Variants in BOLL observed in about 807,000 individuals in gnomAD.
BOLL encodes boule RNA binding protein, also known as protein boule-like.
BOLL carries 23 observed loss-of-function variants against 44.4 expected under a neutral mutation model. That is an observed-to-expected ratio of 0.52 (90% confidence interval 0.37 to 0.73). The LOEUF is 0.73. Ranked by LOEUF, BOLL falls within the 30% of genes least tolerant of loss-of-function variation. The pLI is 0.00. For missense variants in BOLL, 287 were observed against 338.3 expected, an observed-to-expected ratio of 0.85 and a Z score of 1.19; for synonymous variants, 97 against 110.8, an observed-to-expected ratio of 0.88 and a Z score of 0.78.
At chr2:197,769,939 AG>A (rs1689162625) in intron 6 of BOLL, among the ~76,000 whole-genome samples, 3 of 152,210 alleles carry the variant, frequency 2.0e-5, no homozygotes, top group Non-Finnish European at 4.4e-5. Flanking sequence ...GGTAATTTAT[AG>A]ATTCAATGCC....
At chr2:197,734,633 A>G (rs1347433787) in intron 10 of BOLL, among the ~76,000 whole-genome samples, 1 of 152,206 alleles carries the variant, frequency 6.6e-6, no homozygotes, top group Non-Finnish European at 1.5e-5. Context: ...GCAGCCATAA[A>G]AAATGATGAG....
At chr2:197,759,553 A>G (rs1248232805) in intron 7 of BOLL, among the ~76,000 whole-genome samples, 3 of 152,132 alleles carry the variant, frequency 2.0e-5, no homozygotes. Context: ...GCACGTCTCC[A>G]GTACTGGGGT....
At chr2:197,751,912 G>A (rs1453143305) in intron 9 of BOLL, among the ~76,000 whole-genome samples, 2 of 151,690 alleles carry the variant, frequency 1.3e-5, no homozygotes, top group Non-Finnish European at 2.9e-5. Context: ...TAAAATACTG[G>A]CAAACCAAAT....
chr2:197,761,693 G>T (rs1688765219), intron 7 of BOLL, among the ~76,000 whole-genome samples: 1 of 152,072 alleles, frequency 6.6e-6, no homozygotes, highest in Non-Finnish European at 1.5e-5. Context: ...CCAACTATAT[G>T]CTACCTAAAA....
intron 7 of BOLL, among the ~76,000 whole-genome samples, chr2:197,763,857 A>G (rs1234097871): frequency 1.3e-5 from 2 of 152,230 alleles, no homozygotes; most frequent in Non-Finnish European, 2.9e-5. Flanking sequence ...AACAAAAAAT[A>G]AACTGATTAA....
At chr2:197,729,327 C>G (rs1025062986) in intron 10 of BOLL, among the ~76,000 whole-genome samples, 36 of 152,332 alleles carry the variant, frequency 2.4e-4, no homozygotes, top group African/African-American at 8.2e-4. Flanking sequence ...CCCACGGAGT[C>G]TCGCTGATTG....
At chr2:197,734,462 G>C (rs1687375385) in intron 10 of BOLL, among the ~76,000 whole-genome samples, 1 of 152,108 alleles carries the variant, frequency 6.6e-6, no homozygotes, top group Non-Finnish European at 1.5e-5. Context: ...CCCATTACTG[G>C]GTATATACCC....
chr2:197,779,921 C>A (rs908746618), intron 2 of BOLL, among the ~76,000 whole-genome samples: 4 of 151,910 alleles, frequency 2.6e-5, no homozygotes, highest in African/African-American at 9.7e-5. Flanking sequence ...TGCCTTAGTG[C>A]AGAGCTATGC....
intron 10 of BOLL, among the ~76,000 whole-genome samples, chr2:197,739,054 T>C (rs898447817): frequency 1.3e-5 from 2 of 152,142 alleles, no homozygotes; most frequent in Non-Finnish European, 2.9e-5. Flanking sequence ...GTTTTGGAGT[T>C]TCTGTCTCTG....
intron 9 of BOLL, among the ~76,000 whole-genome samples, chr2:197,753,892 C>T (rs573512552): frequency 1.9e-4 from 29 of 152,230 alleles, no homozygotes; most frequent in African/African-American, 7.0e-4. Flanking sequence ...AACCCAAATG[C>T]CCATCAATGA....
intron 1 of BOLL, 143 bp from the exon 2 acceptor site, chr2:197,782,008 A>T: frequency 1.7e-6 from 1 of 585,748 alleles, no homozygotes; most frequent in Non-Finnish European, 2.6e-6. Flanking sequence ...AATATTATAA[A>T]AATTATAATT....
At chr2:197,765,445 T>C (rs1396505051) in intron 7 of BOLL, among the ~76,000 whole-genome samples, 1 of 151,980 alleles carries the variant, frequency 6.6e-6, no homozygotes, top group African/African-American at 2.4e-5. Context: ...TAGTTAACAA[T>C]AATACATAGT....
At chr2:197,781,643 A>G in intron 2 of BOLL, 79 bp downstream of exon 2, 11 of 1,249,262 alleles carry the variant, frequency 8.8e-6, no homozygotes, top group Admixed American at 7.4e-5. Flanking sequence ...GTTATTTTAT[A>G]GTTGCACAAA....
At chr2:197,737,440 C>T (rs1037341800) in intron 10 of BOLL, among the ~76,000 whole-genome samples, 5 of 151,932 alleles carry the variant, frequency 3.3e-5, no homozygotes, top group Non-Finnish European at 7.4e-5. Context: ...ATTTTTTGCT[C>T]CTCCTGCCTA....
intron 9 of BOLL, among the ~76,000 whole-genome samples, chr2:197,745,725 T>C (rs1687958801): frequency 6.6e-6 from 1 of 152,180 alleles, no homozygotes; most frequent in Non-Finnish European, 1.5e-5. Context: ...ATGTAGAATG[T>C]CTGCCAAGTG....
chr2:197,772,504 C>T (rs1559415340), intron 5 of BOLL, among the ~76,000 whole-genome samples: 1 of 151,934 alleles, frequency 6.6e-6, no homozygotes. Flanking sequence ...TTTGGATATC[C>T]TACCAGCAAA....
intron 6 of BOLL, among the ~76,000 whole-genome samples, chr2:197,768,613 T>C (rs1268066415): frequency 6.6e-6 from 1 of 151,552 alleles, no homozygotes; most frequent in African/African-American, 2.4e-5. Flanking sequence ...GATTAGTCGA[T>C]ACATAAATTC....
upstream of BOLL, chr2:197,785,330 C>T: frequency 3.0e-6 from 3 of 985,890 alleles, no homozygotes; most frequent in Middle Eastern, 5.2e-4. The surrounding 1 kb of genome is among the most constrained non-coding windows in gnomAD (Gnocchi z 6.7). Flanking sequence ...GGTCCCCACC[C>T]TCGCGCGGCG....
At chr2:197,759,519 AT>A (rs1688659778) in intron 7 of BOLL, among the ~76,000 whole-genome samples, 1 of 151,976 alleles carries the variant, frequency 6.6e-6, no homozygotes. Flanking sequence ...AGCCATAGTC[AT>A]CTCTAGGGGG....
Sources: gnomAD v4.1 joint callset for allele counts (sites outside exome capture counted in the v4.1 genomes callset) on GRCh38, gnomAD v4.1.1 for gene constraint, Gnocchi (gnomAD v3.1) non-coding constraint, MANE v1.5 for transcripts, NCBI Gene and HGNC (gene_info 2026-07-23, HGNC 2026-07-21) for gene names.